Variants in SPOCK3 observed in about 807,000 individuals in gnomAD.
SPOCK3 encodes the protein SPARC (osteonectin), cwcv and kazal like domains proteoglycan 3.
SPOCK3 carries 30 observed loss-of-function variants against 56.6 expected under a neutral mutation model. The ratio of observed to expected loss-of-function variants is 0.53; its 90% confidence interval spans 0.40 to 0.72. The LOEUF (loss-of-function observed/expected upper bound fraction) is 0.72, where lower values mean the gene tolerates loss of function less well. Among genes scored for constraint, SPOCK3 ranks in the 30% least tolerant of loss-of-function variants. The probability of loss-of-function intolerance (pLI) is 0.00; values close to 1 mark genes in which losing one functional copy is unlikely to be tolerated. For missense variants in SPOCK3, 527 were observed against 530.0 expected (o/e 0.99, Z 0.06); for synonymous variants, 196 against 183.3 (o/e 1.07, Z -0.56).
chr4:167,096,235 T>A (rs1221057988), intron 2 of SPOCK3, among the ~76,000 whole-genome samples: 1 of 151,962 alleles, frequency 6.6e-6, no homozygotes, highest in Non-Finnish European at 1.5e-5. Context: ...GCAAACTATA[T>A]TTTAATAAAC....
chr4:167,148,249 C>A (rs893718882), intron 2 of SPOCK3, among the ~76,000 whole-genome samples: 1 of 151,970 alleles, frequency 6.6e-6, no homozygotes, highest in Non-Finnish European at 1.5e-5. Context: ...TGGGTAGAGA[C>A]CAGAGATGCC....
At chr4:167,116,651 C>CTATAT (rs1561233875) in intron 2 of SPOCK3, among the ~76,000 whole-genome samples, 2 of 81,462 alleles carry the variant, frequency 2.5e-5, no homozygotes, top group African/African-American at 1.2e-4. Flanking sequence ...TATATATATA[C>CTATAT]ACATATATAC....
At chr4:167,180,925 CATTAAA>C (rs1170032619) in intron 2 of SPOCK3, among the ~76,000 whole-genome samples, 2 of 152,080 alleles carry the variant, frequency 1.3e-5, no homozygotes, top group Non-Finnish European at 2.9e-5. Context: ...AAGTCATTTA[CATTAAA>C]ATTAAAATTA....
At chr4:166,763,728 T>C (rs1191005280) in intron 7 of SPOCK3, among the ~76,000 whole-genome samples, 1 of 152,076 alleles carries the variant, frequency 6.6e-6, no homozygotes, top group Non-Finnish European at 1.5e-5. Flanking sequence ...TATTTGAAGG[T>C]ACATTGTGAT....
chr4:166,745,388 AAAT>A (rs1735467661), intron 8 of SPOCK3, among the ~76,000 whole-genome samples: 1 of 152,202 alleles, frequency 6.6e-6, no homozygotes, highest in South Asian at 2.1e-4. Flanking sequence ...CAGCCAAACT[AAAT>A]TTCATAAGTG....
At chr4:166,962,730 G>C (rs1052709141) in intron 4 of SPOCK3, among the ~76,000 whole-genome samples, 1 of 152,056 alleles carries the variant, frequency 6.6e-6, no homozygotes, top group Non-Finnish European at 1.5e-5. Context: ...CTCAGGGACA[G>C]AGAAGCCTAG....
intron 2 of SPOCK3, among the ~76,000 whole-genome samples, chr4:167,212,229 T>TA (rs1029135232): frequency 6.6e-6 from 1 of 152,234 alleles, no homozygotes; most frequent in South Asian, 2.1e-4. Context: ...TTTGACTTTT[T>TA]AAAAAAGATT....
chr4:166,976,598 C>T (rs867311905), intron 4 of SPOCK3, among the ~76,000 whole-genome samples: 1 of 152,146 alleles, frequency 6.6e-6, no homozygotes, highest in Non-Finnish European at 1.5e-5. Context: ...GCAGCCATCC[C>T]GGCTACCCTA....
rs71604444 is a variant in SPOCK3 at position 166,739,704 on chromosome 4, CT to C, written c.995-2101del. On this transcript the variant is annotated intron_variant, in intron 9 of 10. Transcript: ENST00000357545. Reference sequence around the variant, plus strand: ...AAGAATATTTTCTTTTATTTTCTGACTTTTTTTTTTTCTGTGACCAGAAGCA... The same window carrying C: ...AAGAATATTTTCTTTTATTTTCTGACTTTTTTTTTTCTGTGACCAGAAGCA... Among the ~76,000 whole-genome samples, 586 of 147,346 alleles carry C rather than the reference CT, an allele frequency of 4.0e-3. 5 individuals carry two copies. Among genetic ancestry groups the C allele is most frequent in the African/African-American group, 0.013 (526 of 40,498 alleles).
At position 167,064,675 on chromosome 4, in the gene SPOCK3, C is replaced by T. The variant is rs1007114614; in HGVS notation, c.190-2138G>A. ...CACACGTGAGTGATGGATTTGGAGACGGGCAAACCAGAATTTTAAGTCTGG... is the reference window on the plus strand; with the variant it reads ...CACACGTGAGTGATGGATTTGGAGATGGGCAAACCAGAATTTTAAGTCTGG... On this transcript the variant is annotated intron_variant, in intron 2 of 10. Coordinates refer to ENST00000357545, the MANE Select transcript of SPOCK3 (RefSeq NM_001040159.2). 5.7e-4 allele frequency among the ~76,000 whole-genome samples: 87 copies of T among 151,640 alleles called. 1 individual carries two copies. The highest frequency in any genetic ancestry group is 5.3e-3 in the Admixed American group (81 of 15,156).
At chr4:166,877,801 AATT>A (rs1341187961) in intron 6 of SPOCK3, among the ~76,000 whole-genome samples, 1 of 152,210 alleles carries the variant, frequency 6.6e-6, no homozygotes, top group East Asian at 1.9e-4. Flanking sequence ...TGATGTTACT[AATT>A]ATGTAAAAAT....
chr4:166,763,841 G>A (rs62355169), intron 7 of SPOCK3, among the ~76,000 whole-genome samples: 69,815 of 151,976 alleles, frequency 0.46, 16,561 homozygotes, highest in African/African-American at 0.51. Flanking sequence ...AGATGACCAC[G>A]AAATTTAATA....
At chr4:167,115,247 A>T (rs1761235525) in intron 2 of SPOCK3, among the ~76,000 whole-genome samples, 2 of 151,606 alleles carry the variant, frequency 1.3e-5, no homozygotes, top group Admixed American at 1.3e-4. Context: ...CTAAATGTAG[A>T]GTTGTCTAGC....
chr4:167,205,338 A>ATC (rs1368582426), intron 2 of SPOCK3, among the ~76,000 whole-genome samples: 1 of 45,320 alleles, frequency 2.2e-5, no homozygotes, highest in Non-Finnish European at 3.6e-5. Flanking sequence ...TATATATTAT[A>ATC]TATTATATAT....
intron 5 of SPOCK3, among the ~76,000 whole-genome samples, chr4:166,909,013 T>C (rs1471071535): frequency 6.6e-6 from 1 of 152,110 alleles, no homozygotes; most frequent in Non-Finnish European, 1.5e-5. Context: ...CTGGTTCTTT[T>C]AAAAAGAAAG....
At chr4:166,835,425 C>T (rs1746507637) in intron 6 of SPOCK3, among the ~76,000 whole-genome samples, 1 of 152,072 alleles carries the variant, frequency 6.6e-6, no homozygotes, top group Admixed American at 6.5e-5. Context: ...TTTTTTTAAA[C>T]ATCTGAAGTT....
At chr4:167,013,866 TA>T (rs1375765680) in intron 3 of SPOCK3, among the ~76,000 whole-genome samples, 1 of 152,134 alleles carries the variant, frequency 6.6e-6, no homozygotes, top group Non-Finnish European at 1.5e-5. Context: ...CTATTAATTC[TA>T]AAATGTAAAA....
chr4:167,185,214 C>G (rs1731840391), intron 2 of SPOCK3, among the ~76,000 whole-genome samples: 1 of 152,096 alleles, frequency 6.6e-6, no homozygotes, highest in South Asian at 2.1e-4. Context: ...AGGCATTGGA[C>G]TCTCATCAGG....
At chr4:167,068,934 A>G (rs1756412708) in intron 2 of SPOCK3, among the ~76,000 whole-genome samples, 1 of 151,946 alleles carries the variant, frequency 6.6e-6, no homozygotes, top group South Asian at 2.1e-4. Context: ...CTTCATGGTG[A>G]ACCTAACTTA....
Sources: gnomAD v4.1 joint callset for allele counts (sites outside exome capture counted in the v4.1 genomes callset) on GRCh38, gnomAD v4.1.1 for gene constraint, MANE v1.5 for transcripts, NCBI Gene and HGNC (gene_info 2026-07-23, HGNC 2026-07-21) for gene names.